Variants in DLGAP2 observed in about 807,000 individuals in gnomAD.
DLGAP2 encodes disks large-associated protein 2.
DLGAP2 carries 26 observed loss-of-function variants against 100.3 expected under a neutral mutation model. The ratio of observed to expected loss-of-function variants is 0.26; its 90% CI spans 0.19 to 0.36. The LOEUF is 0.36. DLGAP2 is among the 10% of genes least tolerant of loss of function. DLGAP2 has a pLI of 1.00. For synonymous variants in DLGAP2, 886 were observed against 630.1 expected, an observed-to-expected ratio of 1.41 and a Z score of -6.08; for missense variants, 1,858 against 1,453.2, an observed-to-expected ratio of 1.28 and a Z score of -4.53.
At chr8:1,181,653 A>G (rs1357809215) in intron 2 of DLGAP2, among the ~76,000 whole-genome samples, 2 of 152,206 alleles carry the variant, frequency 1.3e-5, no homozygotes, top group Non-Finnish European at 2.9e-5. Flanking sequence ...TTTACTTCTA[A>G]AACAAACCTG....
At chr8:854,387 G>A (rs1306469099) in intron 1 of DLGAP2, among the ~76,000 whole-genome samples, 1 of 152,156 alleles carries the variant, frequency 6.6e-6, no homozygotes, top group Non-Finnish European at 1.5e-5. Flanking sequence ...GTCCATTTGT[G>A]TGGCTATAAC....
chr8:1,500,420 A>T (rs7002857), intron 3 of DLGAP2, among the ~76,000 whole-genome samples: 1,326 of 22,980 alleles, frequency 0.058, no homozygotes, highest in South Asian at 0.098. Flanking sequence ...CTCTGCAGCC[A>T]GGTAGAAACC....
intron 3 of DLGAP2, among the ~76,000 whole-genome samples, chr8:1,318,673 G>A (rs529012624): frequency 4.3e-4 from 66 of 151,810 alleles, no homozygotes; most frequent in Admixed American, 1.2e-3. Flanking sequence ...ATACTGCCAA[G>A]CAACATACTA....
chr8:1,287,204 A>AGTGT (rs142438693), intron 3 of DLGAP2, among the ~76,000 whole-genome samples: 3 of 108,868 alleles, frequency 2.8e-5, no homozygotes, highest in East Asian at 2.8e-4. Context: ...GTTTTGGTTC[A>AGTGT]GTGTGTGTGT....
intron 1 of DLGAP2, among the ~76,000 whole-genome samples, chr8:767,756 G>C (rs746904432): frequency 7.9e-5 from 12 of 152,204 alleles, no homozygotes; most frequent in Non-Finnish European, 1.2e-4. Context: ...GACACAGGCT[G>C]CTATCTGCAG....
Position 1,320,232 on chromosome 8 carries a change from A to T in DLGAP2, c.106+61349A>T, listed in dbSNP as rs921885521. 2.0e-5 allele frequency among the ~76,000 whole-genome samples: 3 copies of T among 152,150 alleles called. No individual in the cohort carries two copies. The East Asian group carries it at 5.8e-4, about 30-fold the overall frequency. On this transcript the variant is annotated intron_variant, in intron 3 of 14. Transcript: ENST00000637795. ...GAAGGGTAAGGATGAAATGATTTGC[A>T]GGGGAAAGTTATGTGTTCTTCCTGA...
rs113904400 is a variant in DLGAP2 at position 1,119,418 on chromosome 8, G to A, written c.74-139433G>A. ...ACTGCAGTGCGTCATGTGAGTGCTG[G>A]TTTTATTCCATGACACCAAGAACAT... On this transcript the variant is annotated intron_variant, in intron 2 of 14. Coordinates refer to ENST00000637795, the MANE Select transcript of DLGAP2 (RefSeq NM_001346810.2). Among the ~76,000 whole-genome samples, 98 of 152,312 alleles carry A rather than the reference G, an allele frequency of 6.4e-4. 1 individual carries two copies. The highest frequency in any genetic ancestry group is 2.2e-3 in the African/African-American group (93 of 41,564).
intron 2 of DLGAP2, among the ~76,000 whole-genome samples, chr8:995,162 A>AT (rs1048177590): frequency 5.9e-5 from 9 of 152,150 alleles, no homozygotes; most frequent in East Asian, 3.9e-4. Flanking sequence ...AAAAAATCAC[A>AT]TTTTTTCACA....
intron 3 of DLGAP2, among the ~76,000 whole-genome samples, chr8:1,289,103 T>C (rs1800002710): frequency 6.6e-6 from 1 of 152,190 alleles, no homozygotes; most frequent in Admixed American, 6.5e-5. Flanking sequence ...ATGTACTCCA[T>C]GAAGGCCCCT....
Position 1,688,956 on chromosome 8 carries a change from C to T in DLGAP2, c.2705-2579C>T, listed in dbSNP as rs190612374. Among the ~76,000 whole-genome samples the T allele has an allele frequency of 3.6e-3, 554 of 152,312 alleles. 4 individuals carry two copies. Among genetic ancestry groups the T allele is most frequent in the Admixed American group, 5.4e-3 (82 of 15,302 alleles). ...TAAGACCCTTTGTGCCCATGAAATG[C>T]GGTTCTTTTTCCCGAAAGTCGGGCT... On this transcript the variant is annotated intron_variant, in intron 12 of 14. Transcript: ENST00000637795.
chr8:1,690,703 C>CAAAAAAAAAAAAAAAAAAA (rs71190752), intron 12 of DLGAP2, among the ~76,000 whole-genome samples: 3 of 62,078 alleles, frequency 4.8e-5, no homozygotes, highest in Non-Finnish European at 9.7e-5. Context: ...GACCCTATCT[C>CAAAAAAAAAAAAAAAAAAA]AAAAAAAAAA....
chr8:1,302,332 C>T (rs113833258), intron 3 of DLGAP2: 716 of 36,216 alleles, frequency 0.02, 21 homozygotes, highest in African/African-American at 0.025. Flanking sequence ...CTCTGCTCCA[C>T]ACCTGGGACC....
At chr8:1,281,775 A>G (rs1799818269) in intron 3 of DLGAP2, among the ~76,000 whole-genome samples, 2 of 152,198 alleles carry the variant, frequency 1.3e-5, no homozygotes, top group Non-Finnish European at 2.9e-5. Flanking sequence ...ATGAGATGGG[A>G]ACAGAGGCGT....
chr8:854,044 G>A (rs920528230), intron 1 of DLGAP2, among the ~76,000 whole-genome samples: 4 of 152,152 alleles, frequency 2.6e-5, no homozygotes, highest in African/African-American at 9.7e-5. Flanking sequence ...CAGGAAAGAG[G>A]CCCTCGGCAG....
chr8:1,349,523 G>A (rs1310829269), intron 3 of DLGAP2, among the ~76,000 whole-genome samples: 2 of 145,538 alleles, frequency 1.4e-5, no homozygotes, highest in Admixed American at 1.4e-4. Flanking sequence ...GGTGTTTGAG[G>A]GGGACTGTCG....
chr8:1,362,570 C>T (rs767414479), intron 3 of DLGAP2, among the ~76,000 whole-genome samples: 34 of 152,258 alleles, frequency 2.2e-4, no homozygotes, highest in African/African-American at 7.2e-4. Context: ...TGATCTCTCA[C>T]GGCCACAGTC....
chr8:1,190,235 G>C (rs1317348854), intron 2 of DLGAP2, among the ~76,000 whole-genome samples: 1 of 151,532 alleles, frequency 6.6e-6, no homozygotes, highest in Non-Finnish European at 1.5e-5. Flanking sequence ...GTCTCACAGA[G>C]AGTCCTCCAA....
intron 1 of DLGAP2, among the ~76,000 whole-genome samples, chr8:813,658 C>A (rs771056604): frequency 6.6e-6 from 1 of 152,176 alleles, no homozygotes; most frequent in Non-Finnish European, 1.5e-5. Context: ...GCTGAACCCT[C>A]CTCCAGGGGC....
intron 1 of DLGAP2, among the ~76,000 whole-genome samples, chr8:859,112 T>G (rs983139097): frequency 1.5e-4 from 19 of 125,992 alleles, no homozygotes; most frequent in African/African-American, 5.2e-4. Context: ...CACCTTAGTC[T>G]TCTTTTTTTT....
Sources: allele counts gnomAD v4.1 joint callset (sites outside exome capture counted in the v4.1 genomes callset), GRCh38; gene constraint gnomAD v4.1.1; transcripts MANE v1.5; gene names NCBI Gene and HGNC (gene_info 2026-07-23, HGNC 2026-07-21).